The following MACROD2 variants were observed in gnomAD, a reference collection of about 807,000 sequenced individuals.
MACROD2 encodes ADP-ribose glycohydrolase MACROD2.
MACROD2 carries 36 observed loss-of-function variants against 70.4 expected under a neutral mutation model. The ratio of observed to expected loss-of-function variants is 0.51; its 90% CI spans 0.39 to 0.68. The LOEUF is 0.68. Among genes scored for constraint, MACROD2 ranks in the 30% least tolerant of loss-of-function variants. The pLI is 0.00. For synonymous variants in MACROD2, 172 were observed against 178.8 expected, an observed-to-expected ratio of 0.96 and a Z score of 0.30; for missense variants, 496 against 538.4, an observed-to-expected ratio of 0.92 and a Z score of 0.78.
intron 2 of MACROD2, among the ~76,000 whole-genome samples, chr20:14,064,884 C>G (rs866831088): frequency 6.6e-6 from 1 of 152,066 alleles, no homozygotes. Flanking sequence ...TAATTATTAC[C>G]ATAATATTCA....
intron 8 of MACROD2, among the ~76,000 whole-genome samples, chr20:15,686,367 G>A (rs1418835389): frequency 1.3e-5 from 2 of 152,116 alleles, no homozygotes; most frequent in Non-Finnish European, 2.9e-5. Context: ...TTGTATAAAA[G>A]ATTTGAAAAT....
chr20:15,507,929 A>C (rs1434234740), intron 8 of MACROD2, among the ~76,000 whole-genome samples: 2 of 152,210 alleles, frequency 1.3e-5, no homozygotes, highest in Non-Finnish European at 2.9e-5. Flanking sequence ...GCTTATTACC[A>C]GTTAGCCAGT....
intron 4 of MACROD2, among the ~76,000 whole-genome samples, chr20:14,611,263 A>G (rs141578648): frequency 6.6e-6 from 1 of 152,214 alleles, no homozygotes; most frequent in Non-Finnish European, 1.5e-5. Flanking sequence ...TTCAGTTTTG[A>G]TGATCAAATG....
Position 15,063,189 on chromosome 20 carries a change from G to A in MACROD2, c.419-166751G>A, listed in dbSNP as rs567187634. Among the ~76,000 whole-genome samples the A allele has an allele frequency of 4.6e-5, 7 of 152,244 alleles. No individual in the cohort carries two copies. In the South Asian group the frequency reaches 1.5e-3, roughly 32 times the overall value. On this transcript the variant is annotated intron_variant, in intron 5 of 17. Coordinates refer to ENST00000684519, the MANE Select transcript of MACROD2 (RefSeq NM_001351661.2). ...TGAACCATGATACGCTGGAGTAAAG[G>A]AAGGACAAGGCCCTCAAAGCAAGAA...
At chr20:14,185,018 A>G (rs917052619) in intron 3 of MACROD2, among the ~76,000 whole-genome samples, 4 of 152,146 alleles carry the variant, frequency 2.6e-5, no homozygotes, top group Admixed American at 2.0e-4. Flanking sequence ...CTTCATGAAT[A>G]TAGACATCTT....
At chr20:15,954,246 G>C (rs149241630) in intron 12 of MACROD2, among the ~76,000 whole-genome samples, 1 of 152,020 alleles carries the variant, frequency 6.6e-6, no homozygotes, top group Non-Finnish European at 1.5e-5. Context: ...CAAGTAAAAT[G>C]CAAATAGCTC....
chr20:15,623,720 C>CTATT (rs11473565), intron 8 of MACROD2, among the ~76,000 whole-genome samples: 1 of 151,140 alleles, frequency 6.6e-6, no homozygotes. Flanking sequence ...ATCTATCTAT[C>CTATT]GATGTGTCTA....
chr20:16,016,561 G>A (rs527659908), intron 15 of MACROD2, among the ~76,000 whole-genome samples: 2 of 152,002 alleles, frequency 1.3e-5, no homozygotes, highest in Non-Finnish European at 2.9e-5. Flanking sequence ...GTTTGTTTTT[G>A]GTTTACTCTT....
At chr20:14,332,708 C>T (rs1000453776) in intron 3 of MACROD2, among the ~76,000 whole-genome samples, 3 of 151,996 alleles carry the variant, frequency 2.0e-5, no homozygotes, top group Middle Eastern at 3.2e-3. Flanking sequence ...AACTTTTAAT[C>T]CAAGTTAGTT....
chr20:14,367,473 C>G (rs1431674437), intron 3 of MACROD2, among the ~76,000 whole-genome samples: 1 of 152,110 alleles, frequency 6.6e-6, no homozygotes, highest in Non-Finnish European at 1.5e-5. Context: ...TTATGAATAG[C>G]TCCTTTGCTT....
chr20:15,863,095 A>G (rs1486620844), intron 9 of MACROD2, among the ~76,000 whole-genome samples: 1 of 152,046 alleles, frequency 6.6e-6, no homozygotes. Flanking sequence ...ATTATTAATA[A>G]AAGATTTCTA....
At chr20:14,101,330 A>C (rs143897600) in intron 3 of MACROD2, among the ~76,000 whole-genome samples, 7 of 152,208 alleles carry the variant, frequency 4.6e-5, no homozygotes, top group African/African-American at 1.7e-4. Flanking sequence ...CATTATTTTA[A>C]ATATGAGAGA....
chr20:14,526,793 A>G (rs1312610258), intron 4 of MACROD2, among the ~76,000 whole-genome samples: 1 of 152,196 alleles, frequency 6.6e-6, no homozygotes, highest in East Asian at 1.9e-4. Context: ...AACCCACGAC[A>G]GTGTCTAGGG....
At chr20:15,172,864 T>G (rs1234509354) in intron 5 of MACROD2, among the ~76,000 whole-genome samples, 1 of 152,252 alleles carries the variant, frequency 6.6e-6, no homozygotes, top group African/African-American at 2.4e-5. Flanking sequence ...TTACTGTGTA[T>G]GTGGCTTGCT....
At chr20:14,278,876 G>C (rs911714732) in intron 3 of MACROD2, among the ~76,000 whole-genome samples, 2 of 151,794 alleles carry the variant, frequency 1.3e-5, no homozygotes, top group African/African-American at 4.8e-5. Flanking sequence ...AGTTACTTAA[G>C]TAAGAGTTAC....
Position 15,502,934 on chromosome 20 carries a change from T to A in MACROD2, c.645+3087T>A, listed in dbSNP as rs1276499465. 2.0e-5 allele frequency among the ~76,000 whole-genome samples: 3 copies of A among 152,306 alleles called. No individual in the cohort carries two copies. In the East Asian group the frequency reaches 5.8e-4, roughly 29 times the overall value. On this transcript the variant is annotated intron_variant, in intron 8 of 17. Coordinates refer to ENST00000684519, the MANE Select transcript of MACROD2 (RefSeq NM_001351661.2). ...CTATCACATGACAAGAAAAGATAGA[T>A]AATCAATTCCCTTGTAGAAATGTTT...
intron 6 of MACROD2, among the ~76,000 whole-genome samples, chr20:15,353,185 C>A (rs1052853802): frequency 6.6e-6 from 1 of 151,646 alleles, no homozygotes; most frequent in South Asian, 2.1e-4. Context: ...ACAGAGCCCT[C>A]AGAAATAATG....
chr20:14,513,832 C>T (rs2085056923), intron 4 of MACROD2, among the ~76,000 whole-genome samples: 1 of 151,912 alleles, frequency 6.6e-6, no homozygotes, highest in Non-Finnish European at 1.5e-5. Flanking sequence ...CTCTATAAGT[C>T]ACCATTACAT....
intron 6 of MACROD2, among the ~76,000 whole-genome samples, chr20:15,397,097 A>G (rs2045869412): frequency 6.6e-6 from 1 of 152,188 alleles, no homozygotes. Flanking sequence ...AGATGGCTCA[A>G]GGAAAGGCTT....
Sources: allele counts gnomAD v4.1 joint callset (sites outside exome capture counted in the v4.1 genomes callset), GRCh38; gene constraint gnomAD v4.1.1; transcripts MANE v1.5; gene names NCBI Gene and HGNC (gene_info 2026-07-23, HGNC 2026-07-21).